Variants in TIAM1 observed in about 807,000 individuals in gnomAD.
TIAM1 encodes TIAM Rac1 associated GEF 1.
Under a neutral mutation model 163.5 loss-of-function variants are expected in TIAM1, and 65 were observed. The ratio of observed to expected loss-of-function variants is 0.40; its 90% CI spans 0.33 to 0.49. The LOEUF is 0.49. Ranked by LOEUF, TIAM1 falls within the 20% of genes least tolerant of loss-of-function variation. The probability of loss-of-function intolerance (pLI) is 0.77; values close to 1 mark genes in which losing one functional copy is unlikely to be tolerated. For synonymous variants in TIAM1, 833 were observed against 810.1 expected, an observed-to-expected ratio of 1.03 and a Z score of -0.48; for missense variants, 1,789 against 2,044.7, an observed-to-expected ratio of 0.87 and a Z score of 2.41.
At position 31,130,178 on chromosome 21, in the gene TIAM1, T is replaced by C. The variant is rs752183638; in HGVS notation, c.4045+35A>G. 6 of 1,555,052 alleles carry C rather than the reference T, an allele frequency of 3.9e-6. No homozygotes were observed. In the South Asian group the frequency reaches 5.6e-5, roughly 14 times the overall value. ...ATAATTCCTACACACATCAGAAATA[T>C]GTGTGTGAAATACCCAGCACAGGTG... On this transcript the variant is annotated intron_variant, in intron 25 of 27. Coordinates refer to ENST00000541036, the MANE Select transcript of TIAM1 (RefSeq NM_001353694.2).
At chr21:31,330,310 C>G (rs1355293794) in intron 2 of TIAM1, among the ~76,000 whole-genome samples, 1 of 152,200 alleles carries the variant, frequency 6.6e-6, no homozygotes, top group East Asian at 1.9e-4. Context: ...CTGGATGTAC[C>G]ACAGTTTATA....
chr21:31,501,033 G>A (rs529945326), intron 1 of TIAM1, among the ~76,000 whole-genome samples: 3 of 152,098 alleles, frequency 2.0e-5, no homozygotes, highest in Non-Finnish European at 2.9e-5. Flanking sequence ...TTGCTAACAC[G>A]CCCTGGCAGC....
chr21:31,409,112 CTT>C (rs200352360), intron 2 of TIAM1, among the ~76,000 whole-genome samples: 8 of 141,058 alleles, frequency 5.7e-5, no homozygotes, highest in Non-Finnish European at 7.7e-5. Flanking sequence ...TTCTCCTTTT[CTT>C]TTTTTTTTTT....
At chr21:31,164,833 A>G in intron 16 of TIAM1, 129 bp downstream of exon 16, 1 of 848,944 alleles carries the variant, frequency 1.2e-6, no homozygotes, top group Non-Finnish European at 1.8e-6. Context: ...CTATTCAGCA[A>G]CATCTCAGAA....
chr21:31,266,274 A>G lies in TIAM1; in HGVS notation c.699T>C (p.Gly233=). 6.2e-7 allele frequency: 1 copy of G among 1,614,110 alleles called. No homozygotes were observed. The highest frequency in any genetic ancestry group is 8.5e-7 in the Non-Finnish European group (1 of 1,180,012). ...CAGAGTTTTTCTGAGCATACAAGTC[A>G]CCCAAGGAATTGGCTCTCTGACAGG... ...LSTCQRANSL[G]DLYAQKNSGV... is the part of the protein sequence containing the mutation. Residue 233 remains glycine (G), a synonymous_variant, in exon 4 of 28, where the codon GGT becomes GGC. Coordinates refer to ENST00000541036, the MANE Select transcript of TIAM1 (RefSeq NM_001353694.2).
At chr21:31,269,329 C>T (rs2072942967) in intron 3 of TIAM1, among the ~76,000 whole-genome samples, 1 of 152,202 alleles carries the variant, frequency 6.6e-6, no homozygotes, top group Admixed American at 6.6e-5. Flanking sequence ...CCACTTTTAT[C>T]TTCAGAACTA....
At chr21:31,376,810 A>G (rs913447827) in intron 2 of TIAM1, among the ~76,000 whole-genome samples, 1 of 151,856 alleles carries the variant, frequency 6.6e-6, no homozygotes, top group African/African-American at 2.4e-5. Flanking sequence ...AGAAAGCACA[A>G]AATTTTAGGC....
At chr21:31,415,500 A>G (rs1008188410) in intron 2 of TIAM1, among the ~76,000 whole-genome samples, 2 of 152,180 alleles carry the variant, frequency 1.3e-5, no homozygotes, top group African/African-American at 4.8e-5. Flanking sequence ...CCCAGCAATC[A>G]GGGATATGGG....
chr21:31,541,318 G>A (rs2048317631), intron 1 of TIAM1, among the ~76,000 whole-genome samples: 1 of 151,998 alleles, frequency 6.6e-6, no homozygotes, highest in African/African-American at 2.4e-5. Context: ...TTAGCCAGGT[G>A]TGGTGGTGCC....
At chr21:31,332,976 G>A (rs1444411623) in intron 2 of TIAM1, among the ~76,000 whole-genome samples, 1 of 151,540 alleles carries the variant, frequency 6.6e-6, no homozygotes, top group East Asian at 1.9e-4. Flanking sequence ...ATGTATGACT[G>A]CAGTCCCAGC....
chr21:31,366,465 T>C (rs547451419), intron 2 of TIAM1, among the ~76,000 whole-genome samples: 96 of 152,334 alleles, frequency 6.3e-4, no homozygotes, highest in Non-Finnish European at 9.7e-4. Flanking sequence ...TCCTGGTTCC[T>C]TTTCTTTCCC....
intron 7 of TIAM1, among the ~76,000 whole-genome samples, chr21:31,225,028 C>T (rs907600390): frequency 3.3e-5 from 5 of 151,686 alleles, no homozygotes; most frequent in Non-Finnish European, 5.9e-5. Context: ...CTATATATAT[C>T]TATATATATA....
At chr21:31,334,798 C>T (rs1404735799) in intron 2 of TIAM1, among the ~76,000 whole-genome samples, 2 of 152,204 alleles carry the variant, frequency 1.3e-5, no homozygotes, top group Non-Finnish European at 2.9e-5. Flanking sequence ...TTATGTGCAT[C>T]TGACTCCATT....
chr21:31,268,321 G>A (rs2072895238), intron 3 of TIAM1, among the ~76,000 whole-genome samples: 1 of 152,202 alleles, frequency 6.6e-6, no homozygotes, highest in Non-Finnish European at 1.5e-5. Flanking sequence ...AAGCATCGTG[G>A]TGAAGCAGGA....
At chr21:31,482,526 C>T (rs2046146933) in intron 1 of TIAM1, among the ~76,000 whole-genome samples, 2 of 152,134 alleles carry the variant, frequency 1.3e-5, no homozygotes, top group Non-Finnish European at 2.9e-5. Context: ...CTAAATCAGC[C>T]TAGCATGAGG....
intron 2 of TIAM1, among the ~76,000 whole-genome samples, chr21:31,305,760 A>T (rs1279899028): frequency 6.6e-6 from 1 of 152,174 alleles, no homozygotes; most frequent in Admixed American, 6.5e-5. Flanking sequence ...AACAGGCCTC[A>T]TTTTTTCAAT....
At chr21:31,545,825 A>T (rs779458931) in intron 1 of TIAM1, among the ~76,000 whole-genome samples, 3 of 152,208 alleles carry the variant, frequency 2.0e-5, no homozygotes, top group Non-Finnish European at 4.4e-5. Flanking sequence ...TGTTGTTAAG[A>T]GGAACACTTT....
At chr21:31,134,473 G>A (rs1466023238) in intron 23 of TIAM1, among the ~76,000 whole-genome samples, 1 of 151,954 alleles carries the variant, frequency 6.6e-6, no homozygotes, top group Non-Finnish European at 1.5e-5. Context: ...TCCTTTGAAT[G>A]GCCTATTTAG....
chr21:31,464,913 G>A (rs954162727), intron 1 of TIAM1, among the ~76,000 whole-genome samples: 2 of 151,544 alleles, frequency 1.3e-5, no homozygotes, highest in African/African-American at 4.9e-5. Context: ...GAGAGGCTGA[G>A]ACACGAGAAT....
Sources: gnomAD v4.1 joint callset for allele counts (sites outside exome capture counted in the v4.1 genomes callset) on GRCh38, gnomAD v4.1.1 for gene constraint, MANE v1.5 for transcripts, NCBI Gene and HGNC (gene_info 2026-07-23, HGNC 2026-07-21) for gene names.